The following STAU2 variants were observed in gnomAD, a reference collection of about 807,000 sequenced individuals.
The protein encoded by STAU2 is double-stranded RNA-binding protein Staufen homolog 2.
In STAU2, 20 loss-of-function variants were observed where a neutral mutation model predicts 65.9. The observed-to-expected ratio is 0.30, with a 90% CI of 0.21 to 0.44. The LOEUF (loss-of-function observed/expected upper bound fraction) is 0.44. Among genes scored for constraint, STAU2 ranks in the 20% least tolerant of loss-of-function variants. STAU2 has a pLI of 1.00. For missense variants in STAU2, 558 were observed against 683.9 expected, an observed-to-expected ratio of 0.82 and a Z score of 2.05; for synonymous variants, 232 against 233.9, an observed-to-expected ratio of 0.99 and a Z score of 0.07.
At chr8:73,718,049 G>C (rs938280895) in intron 3 of STAU2, among the ~76,000 whole-genome samples, 3 of 152,214 alleles carry the variant, frequency 2.0e-5, no homozygotes, top group African/African-American at 7.2e-5. Flanking sequence ...ATATGTCAAT[G>C]ACTGTTATGT....
At chr8:73,740,461 T>G (rs1170254349) in intron 1 of STAU2, among the ~76,000 whole-genome samples, 1 of 152,140 alleles carries the variant, frequency 6.6e-6, no homozygotes, top group Non-Finnish European at 1.5e-5. Flanking sequence ...ATTATAAAAC[T>G]TAAACATTTA....
intron 6 of STAU2, chr8:73,653,563 T>C (rs751932318): frequency 6.4e-6 from 1 of 155,194 alleles, no homozygotes; most frequent in African/African-American, 2.4e-5. Flanking sequence ...TTGATGTTAA[T>C]AGAGGGTAAT....
At chr8:73,698,219 A>T (rs563110592) in intron 4 of STAU2, among the ~76,000 whole-genome samples, 1 of 152,212 alleles carries the variant, frequency 6.6e-6, no homozygotes, top group East Asian at 1.9e-4. Context: ...ACTTTCACTA[A>T]AAGGAAGACA....
At chr8:73,668,968 C>A in intron 6 of STAU2, 1 of 685,718 alleles carries the variant, frequency 1.5e-6, no homozygotes, top group East Asian at 2.7e-5. Flanking sequence ...TCAAAAATCC[C>A]TCTAAATGAT....
intron 13 of STAU2, among the ~76,000 whole-genome samples, chr8:73,468,187 C>G (rs868418161): frequency 2.0e-4 from 30 of 152,114 alleles, no homozygotes; most frequent in African/African-American, 6.8e-4. Context: ...ACAAACCTGA[C>G]AAAAACAAGA....
chr8:73,747,418 C>G, upstream of STAU2: 1 of 1,535,404 alleles, frequency 6.5e-7, no homozygotes, highest in Middle Eastern at 1.7e-4. Flanking sequence ...CCCCTCTGTG[C>G]TGTGCAGGGG....
At chr8:73,617,086 CCA>C (rs112818676) in intron 7 of STAU2, among the ~76,000 whole-genome samples, 3,077 of 152,278 alleles carry the variant, frequency 0.02, 97 homozygotes, top group African/African-American at 0.067. Context: ...CCCCAAATCC[CCA>C]GTTGCCTGGG....
At position 73,538,676 on chromosome 8, in the gene STAU2, GAA is replaced by G. The variant is rs60524962; in HGVS notation, c.1530+13334_1530+13335del. 5.3e-5 allele frequency among the ~76,000 whole-genome samples: 7 copies of G among 132,830 alleles called. No homozygotes were observed. The East Asian group carries it at 6.2e-4, about 12-fold the overall frequency. The allele number at this position is 132,830 out of a possible 152,430, so 87.1% of individuals were successfully genotyped here. On this transcript the variant is annotated intron_variant, in intron 13 of 14. Coordinates refer to ENST00000524300, the MANE Select transcript of STAU2 (RefSeq NM_001164380.2). ...GCTTTCTCCTTAAGTCAGAGTTTTA[GAA>G]AAAAAAAAAAAATAGTAACATAGGC...
At chr8:73,450,243 A>C (rs1300175196) in intron 13 of STAU2, among the ~76,000 whole-genome samples, 1 of 152,260 alleles carries the variant, frequency 6.6e-6, no homozygotes, top group Non-Finnish European at 1.5e-5. Context: ...TGTTTTAAAC[A>C]CATTTATGAC....
At chr8:73,643,039 T>A (rs1363635407) in intron 6 of STAU2, among the ~76,000 whole-genome samples, 2 of 152,194 alleles carry the variant, frequency 1.3e-5, no homozygotes, top group African/African-American at 4.8e-5. Flanking sequence ...GTCTCCTACA[T>A]GAAACACATA....
At chr8:73,435,927 C>T (rs1817650772) in intron 13 of STAU2, among the ~76,000 whole-genome samples, 1 of 151,780 alleles carries the variant, frequency 6.6e-6, no homozygotes, top group African/African-American at 2.4e-5. Flanking sequence ...GTAGGGCAAT[C>T]ATGGCTGAGT....
intron 13 of STAU2, among the ~76,000 whole-genome samples, chr8:73,477,626 A>G (rs562657620): frequency 3.9e-5 from 6 of 152,200 alleles, no homozygotes; most frequent in Admixed American, 3.3e-4. Flanking sequence ...AACAGTTGCC[A>G]TAGTCAGGCT....
At chr8:73,622,688 A>C (rs1813355022) in intron 6 of STAU2, among the ~76,000 whole-genome samples, 1 of 152,250 alleles carries the variant, frequency 6.6e-6, no homozygotes, top group African/African-American at 2.4e-5. Flanking sequence ...AGGGATCTAA[A>C]GTAAGGCCCA....
intron 13 of STAU2, among the ~76,000 whole-genome samples, chr8:73,508,016 T>C (rs942550025): frequency 6.6e-6 from 1 of 152,232 alleles, no homozygotes; most frequent in African/African-American, 2.4e-5. Flanking sequence ...AAGAGAATGC[T>C]GTGGCTGGTT....
intron 6 of STAU2, among the ~76,000 whole-genome samples, chr8:73,620,375 C>T (rs963855214): frequency 6.6e-6 from 1 of 152,278 alleles, no homozygotes; most frequent in Admixed American, 6.5e-5. Flanking sequence ...TGCTAACAGA[C>T]CTTTAACTAC....
chr8:73,595,196 T>C lies in STAU2; in HGVS notation c.1131A>G (p.Ala377=). The part of the protein sequence containing the change: ...EAMLLQLGYK[A]STNLQDQLEK... ...CAAGTTGATCCTGAAGATTAGTGGA[T>C]GCTTTATAACCAAGTTGTAACAGCA... The change falls in exon 11 of 15, where the codon GCA becomes GCG. Residue 377 remains alanine (A), a synonymous_variant. Transcript: ENST00000524300. 1.2e-6 allele frequency: 2 copies of C among 1,609,342 alleles called. No homozygotes were observed. Among genetic ancestry groups the C allele is most frequent in the South Asian group, 1.1e-5 (1 of 90,112 alleles).
intron 13 of STAU2, chr8:73,551,248 T>C (rs1272261771): frequency 1.0e-6 from 1 of 987,384 alleles, no homozygotes; most frequent in Non-Finnish European, 1.2e-6. Flanking sequence ...TGGGGTTTTT[T>C]CCCAGAAGGA....
In STAU2 at chr8:73,421,364, G is replaced by A. The variant is rs748286998; in HGVS notation, c.*8C>T. On this transcript the variant is annotated 3_prime_UTR_variant, in exon 15 of 15. Coordinates refer to ENST00000524300, the MANE Select transcript of STAU2 (RefSeq NM_001164380.2). ...GGATGCGGTGGCAGCCGCGGGTTCT[G>A]GGAGCTGCTAGACGGCCGAGTTTGA... 2.0e-6 allele frequency: 3 copies of A among 1,537,068 alleles called. No individual in the cohort carries two copies. The highest frequency in any genetic ancestry group is 2.4e-5 in the South Asian group (2 of 84,060).
rs555663650 is a variant in STAU2, at chr8:73,421,337, A to C, written c.*35T>G. On this transcript the variant is annotated 3_prime_UTR_variant, in exon 15 of 15. Coordinates refer to ENST00000524300, the MANE Select transcript of STAU2 (RefSeq NM_001164380.2). ...CCCTCATGCGTGCTGACAGGTTTAT[A>C]AGGATGCGGTGGCAGCCGCGGGTTC... The C allele has an allele frequency of 5.4e-4, 829 of 1,523,740 alleles. 14 individuals are homozygous for C. In the South Asian group the frequency reaches 9.0e-3, roughly 17 times the overall value. 94.4% of individuals were successfully genotyped at this position (1,523,740 alleles called of 1,614,324 possible). A position where few individuals can be genotyped will look rare whatever the true frequency, so the allele number is the denominator to read the frequency against.
Sources: allele counts gnomAD v4.1 joint callset (sites outside exome capture counted in the v4.1 genomes callset), GRCh38; gene constraint gnomAD v4.1.1; transcripts MANE v1.5; gene names NCBI Gene and HGNC (gene_info 2026-07-23, HGNC 2026-07-21).